WLS: variants seen among roughly 807,000 people sequenced by gnomAD.
WLS encodes Wnt ligand secretion mediator.
WLS carries 23 observed loss-of-function variants against 62.8 expected under a neutral mutation model. The ratio of observed to expected loss-of-function variants is 0.37; its 90% CI spans 0.26 to 0.52. WLS has a LOEUF of 0.52. WLS is among the 20% of genes least tolerant of loss of function. The probability of loss-of-function intolerance (pLI) is 0.92; values close to 1 mark genes in which losing one functional copy is unlikely to be tolerated. For synonymous variants in WLS, 246 were observed against 244.1 expected, an observed-to-expected ratio of 1.01 and a Z score of -0.07; for missense variants, 615 against 697.3, an observed-to-expected ratio of 0.88 and a Z score of 1.33.
chr1:68,172,887 G>A (rs998208970), intron 2 of WLS, among the ~76,000 whole-genome samples: 1 of 152,196 alleles, frequency 6.6e-6, no homozygotes, highest in East Asian at 1.9e-4. Flanking sequence ...TAGAGAACAG[G>A]AAGGGTCTAA....
At chr1:68,182,999 C>G (rs1379116219) in intron 2 of WLS, among the ~76,000 whole-genome samples, 1 of 152,158 alleles carries the variant, frequency 6.6e-6, no homozygotes, top group Non-Finnish European at 1.5e-5. Context: ...CTCCCAGGTT[C>G]AAGTGATTCT....
At chr1:68,173,859 C>T (rs559209936) in intron 2 of WLS, among the ~76,000 whole-genome samples, 3 of 152,182 alleles carry the variant, frequency 2.0e-5, no homozygotes, top group East Asian at 1.9e-4. Flanking sequence ...AGAGTCATGA[C>T]GTTTTTCTAG....
chr1:68,110,626 G>A (rs1206708812), intron 11 of WLS, among the ~76,000 whole-genome samples: 1 of 150,828 alleles, frequency 6.6e-6, no homozygotes, highest in Non-Finnish European at 1.5e-5. Context: ...ATTAGCCAGT[G>A]GAACAGACTA....
intron 8 of WLS, among the ~76,000 whole-genome samples, chr1:68,147,671 A>G (rs1250818571): frequency 6.6e-6 from 1 of 152,232 alleles, no homozygotes. Context: ...TAATCACCTT[A>G]GCCTTATCTC....
intron 1 of WLS, 51 bp downstream of exon 1, chr1:68,232,143 G>A (rs758863453): frequency 6.2e-7 from 1 of 1,611,286 alleles, no homozygotes; most frequent in Non-Finnish European, 8.5e-7. Flanking sequence ...AAAGAGGGAA[G>A]GGGCCCGAAA....
At chr1:68,123,969 G>T (rs769305723), downstream of WLS, among the ~76,000 whole-genome samples, 2 of 125,738 alleles carry the variant, frequency 1.6e-5, no homozygotes, top group Non-Finnish European at 3.6e-5. Context: ...GCTTGCTAGA[G>T]TTGGCTCCTA....
intron 2 of WLS, among the ~76,000 whole-genome samples, chr1:68,183,160 G>T (rs1271622063): frequency 6.6e-6 from 1 of 152,164 alleles, no homozygotes; most frequent in East Asian, 1.9e-4. Context: ...CCAATGTGCT[G>T]GGATTACAGG....
intron 2 of WLS, chr1:68,161,928 C>A (rs1227947797): frequency 9.9e-6 from 16 of 1,610,374 alleles, no homozygotes; most frequent in Non-Finnish European, 4.2e-6. Context: ...CGATGCCTGG[C>A]GGATATCTGT....
chr1:68,107,057 C>A (rs1415750318), intron 11 of WLS, among the ~76,000 whole-genome samples: 1 of 152,104 alleles, frequency 6.6e-6, no homozygotes, highest in African/African-American at 2.4e-5. Flanking sequence ...TCAAAATAAT[C>A]CTCATTCCTA....
chr1:68,155,065 A>G (rs1437662014), intron 4 of WLS, 34 bp downstream of exon 4: 1 of 1,604,524 alleles, frequency 6.2e-7, no homozygotes, highest in Non-Finnish European at 8.5e-7. Context: ...GTTCCCCTCC[A>G]ATACACATGT....
intron 11 of WLS, among the ~76,000 whole-genome samples, chr1:68,129,193 G>A (rs745920049): frequency 8.5e-5 from 13 of 152,056 alleles, no homozygotes; most frequent in South Asian, 2.1e-4. Flanking sequence ...GTGTGGTGGC[G>A]CATGCCTGTA....
chr1:68,129,865 A>T (rs1459422115), intron 11 of WLS, among the ~76,000 whole-genome samples: 1 of 152,236 alleles, frequency 6.6e-6, no homozygotes, highest in African/African-American at 2.4e-5. Context: ...GGGGTGAAAA[A>T]GAGTGAGAAA....
intron 1 of WLS, among the ~76,000 whole-genome samples, chr1:68,220,684 T>G (rs1649904599): frequency 6.6e-6 from 1 of 152,190 alleles, no homozygotes; most frequent in Non-Finnish European, 1.5e-5. Flanking sequence ...ATGGAAAACC[T>G]CGAGCCAACA....
intron 1 of WLS, among the ~76,000 whole-genome samples, chr1:68,206,069 T>C (rs1355073395): frequency 6.6e-6 from 1 of 152,218 alleles, no homozygotes; most frequent in African/African-American, 2.4e-5. Context: ...AACAATTTAC[T>C]GTCCCTGTTG....
chr1:68,170,357 G>C (rs547699974), intron 2 of WLS, among the ~76,000 whole-genome samples: 1 of 151,666 alleles, frequency 6.6e-6, no homozygotes, highest in Non-Finnish European at 1.5e-5. Context: ...TAGTAGAGAC[G>C]GGGTTTCTCC....
chr1:68,232,306 G>GC lies in WLS; in HGVS notation c.-8dup, dbSNP rs564442210. 1.8e-4 allele frequency: 284 copies of GC among 1,612,536 alleles called. No individual in the cohort carries two copies. In the East Asian group the frequency reaches 2.0e-3, roughly 11 times the overall value. ...CTATAATTGCCCCAGCCATTTTTGCGCCCCCCCTTTTTCTTTTCTCCTTGA... is the reference window on the plus strand; with the variant it reads ...CTATAATTGCCCCAGCCATTTTTGCGCCCCCCCCTTTTTCTTTTCTCCTTGA... On this transcript the variant is annotated 5_prime_UTR_variant, in exon 1 of 12. Transcript: ENST00000262348.
At chr1:68,227,405 C>CAA (rs59704442) in intron 1 of WLS, among the ~76,000 whole-genome samples, 19 of 112,788 alleles carry the variant, frequency 1.7e-4, no homozygotes, top group African/African-American at 2.8e-4. Context: ...GACTCCGTCA[C>CAA]AAAAAAAAAA....
At position 68,183,125 on chromosome 1, in the gene WLS, C is replaced by G. The variant is rs147919109; in HGVS notation, c.379+10830G>C. Among the ~76,000 whole-genome samples, 1,206 of 152,280 alleles carry G rather than the reference C, an allele frequency of 7.9e-3. 7 individuals are homozygous for G. The highest frequency in any genetic ancestry group is 0.034 in the Middle Eastern group (10 of 294). On this transcript the variant is annotated intron_variant, in intron 2 of 11. Transcript: ENST00000262348. ...CAGGCTGGTCTTGAACTCCTGACCT[C>G]AGGTGATCCACCCACCTCAGCCTCC... is the stretch of plus-strand genomic sequence containing the variant.
chr1:68,162,587 G>C (rs367778835), intron 2 of WLS: 42 of 1,472,306 alleles, frequency 2.9e-5, no homozygotes, highest in Non-Finnish European at 4.0e-5. Context: ...GCCAACTCGC[G>C]GTTCTGCTCC....
Sources: gnomAD v4.1 joint callset for allele counts (sites outside exome capture counted in the v4.1 genomes callset) on GRCh38, gnomAD v4.1.1 for gene constraint, MANE v1.5 for transcripts, NCBI Gene and HGNC (gene_info 2026-07-23, HGNC 2026-07-21) for gene names.